Variants in IKBKE observed in about 807,000 individuals in gnomAD.
IKBKE encodes the protein inhibitor of nuclear factor kappa B kinase subunit epsilon.
IKBKE carries 45 observed loss-of-function variants against 92.1 expected under a neutral mutation model. That is an observed-to-expected ratio of 0.49 (90% CI 0.38 to 0.63). The LOEUF (loss-of-function observed/expected upper bound fraction) is 0.63, where lower values mean the gene tolerates loss of function less well. Ranked by LOEUF, IKBKE falls within the 20% of genes least tolerant of loss-of-function variation. IKBKE has a pLI of 0.00. For synonymous variants in IKBKE, 374 were observed against 380.3 expected (o/e 0.98, Z 0.19); for missense variants, 700 against 932.8 (o/e 0.75, Z 3.25).
At position 206,485,399 on chromosome 1, in the gene IKBKE, C is replaced by A; in HGVS notation, c.1616+93C>A. On this transcript the variant is annotated intron_variant, in intron 15 of 21. Coordinates refer to ENST00000581977, the MANE Select transcript of IKBKE (RefSeq NM_014002.4). This position sits in a 1 kb window ranked among gnomAD's most constrained non-coding sequence, Gnocchi z 5.0. ...CTTTAGCCTTTTAGACGTCAGCTTG[C>A]ATTCCCCTTTCTCTTGGCAAGGGTG... The A allele has an allele frequency of 1.3e-6, 1 of 751,586 alleles. No homozygotes were observed. The highest frequency in any genetic ancestry group is 2.4e-6 in the Non-Finnish European group (1 of 423,840). The allele number at this position is 751,586 out of a possible 1,614,324, so 46.6% of individuals were successfully genotyped here.
At chr1:206,477,904 G>A (rs1572243536) in intron 8 of IKBKE, 45 bp downstream of exon 8, 5 of 1,304,638 alleles carry the variant, frequency 3.8e-6, no homozygotes, top group South Asian at 2.5e-5. Context: ...TCTGAGCTGG[G>A]TGTCACTTCT....
At position 206,474,876 on chromosome 1, in the gene IKBKE, G is replaced by A. The variant is rs2103450919; in HGVS notation, c.240G>A (p.Arg80=). Residue 80 remains arginine, a synonymous_variant, in exon 5 of 22, where the codon CGG becomes CGA. Coordinates refer to ENST00000581977, the MANE Select transcript of IKBKE (RefSeq NM_014002.4). ...LFAVEETGGS[R]QKVLVMEYCS... is the part of the protein sequence containing the mutation. ...TGTCCCACCCATAGGGCGGAAGCCG[G>A]CAGAAGGTACTGGTGATGGAGTACT... 1 of 1,614,032 alleles carries A rather than the reference G, an allele frequency of 6.2e-7. No homozygotes were observed. The highest frequency in any genetic ancestry group is 8.5e-7 in the Non-Finnish European group (1 of 1,179,990).
intron 18 of IKBKE, chr1:206,492,662 C>T (rs530375438): frequency 1.0e-5 from 5 of 497,254 alleles, no homozygotes; most frequent in Middle Eastern, 3.1e-4. Flanking sequence ...GAAATGAGAG[C>T]GTGGGCAGTT....
At position 206,474,955 on chromosome 1, in the gene IKBKE, C is replaced by A. The variant is rs949192935; in HGVS notation, c.319C>A (p.Leu107Met). The change falls in exon 5 of 22, where the codon CTG becomes ATG. Residue 107 changes from leucine (L) to methionine (M), a missense_variant. Leu to Met is a conservative substitution (Grantham distance 15). Transcript: ENST00000581977. ...VLESPENAFGLPEDEFLVVLR... is the reference protein window; with the variant it reads ...VLESPENAFGMPEDEFLVVLR... ...GGAGAGCCCTGAGAATGCCTTTGGG[C>A]TGCCTGAGGATGAGTTCCTGGTGGT... 6.2e-7 allele frequency: 1 copy of A among 1,614,134 alleles called. No individual in the cohort carries two copies. The highest frequency in any genetic ancestry group is 8.5e-7 in the Non-Finnish European group (1 of 1,180,026).
In IKBKE at chr1:206,490,954, C is replaced by T; in HGVS notation, c.1733+96C>T. 1 of 1,170,300 alleles carries T rather than the reference C, an allele frequency of 8.5e-7. No homozygotes were observed. The highest frequency in any genetic ancestry group is 1.3e-6 in the Non-Finnish European group (1 of 782,744). The allele number at this position is 1,170,300 out of a possible 1,614,324, so 72.5% of individuals were successfully genotyped here. On this transcript the variant is annotated intron_variant, in intron 17 of 21. Coordinates refer to ENST00000581977, the MANE Select transcript of IKBKE (RefSeq NM_014002.4). The surrounding 1 kb of genome is among the most constrained non-coding windows in gnomAD (Gnocchi z 5.2). ...CGCCAGAGGAGAGGCAGTGAAGGGC[C>T]CTGTCCCGGACTGCAGCTGAGCAGA...
rs926871990 is a variant in IKBKE at position 206,491,530 on chromosome 1, G to A, written c.1734-118G>A. ...CCAGAGACATAGCCCTGCTGTGGAC[G>A]CAGGGCTTGGGCACTTACGACAAGG... is the stretch of plus-strand genomic sequence containing the variant. On this transcript the variant is annotated intron_variant, in intron 17 of 21. Coordinates refer to ENST00000581977, the MANE Select transcript of IKBKE (RefSeq NM_014002.4). The A allele has an allele frequency of 1.5e-5, 10 of 687,080 alleles. No individual in the cohort carries two copies. In the East Asian group the frequency reaches 1.5e-4, roughly 10 times the overall value. 42.6% of individuals were successfully genotyped at this position (687,080 alleles called of 1,614,324 possible). A position where few individuals can be genotyped will look rare whatever the true frequency, so the allele number is the denominator to read the frequency against.
At chr1:206,480,348 C>T (rs1329320150) in intron 12 of IKBKE, 99 bp from the exon 13 acceptor site, 30 of 1,042,192 alleles carry the variant, frequency 2.9e-5, no homozygotes, top group Non-Finnish European at 4.3e-5. Flanking sequence ...GAGGGGGAGG[C>T]CGGCAGGAGG....
chr1:206,486,361 C>T lies in IKBKE; in HGVS notation c.1616+1055C>T, dbSNP rs561789834. Among the ~76,000 whole-genome samples the T allele has an allele frequency of 1.8e-4, 27 of 150,244 alleles. No homozygotes were observed. In the East Asian group the frequency reaches 5.0e-3, roughly 28 times the overall value. The stretch of plus-strand genomic sequence containing the variant: ...AAGGCTGCAGATCTGAGGCCCTGTC[C>T]TTTTGGATGAAGGCTGCAGATCTGA... On this transcript the variant is annotated intron_variant, in intron 15 of 21. Transcript: ENST00000581977.
At chr1:206,488,095 G>C in intron 16 of IKBKE, 105 bp downstream of exon 16, 5 of 814,298 alleles carry the variant, frequency 6.1e-6, no homozygotes, top group Non-Finnish European at 1.0e-5. Flanking sequence ...CTCCAGCTAA[G>C]TGGCCGCTAA....
In IKBKE at chr1:206,490,029, T is replaced by C. The variant is rs1553389886; in HGVS notation, c.1694-790T>C. On this transcript the variant is annotated intron_variant, in intron 16 of 21. Transcript: ENST00000581977. This position sits in a 1 kb window ranked among gnomAD's most constrained non-coding sequence, Gnocchi z 5.2. ...ACCTGTGATGGATAAGGAGACAGGC[T>C]CAGCGAAGTGAAATCACTCGCCTAG... is the stretch of plus-strand genomic sequence containing the variant. Among the ~76,000 whole-genome samples, 3 of 152,196 alleles carry C rather than the reference T, an allele frequency of 2.0e-5. No homozygotes were observed. Among genetic ancestry groups the C allele is most frequent in the African/African-American group, 7.2e-5 (3 of 41,452 alleles).
rs542363326 is a variant in IKBKE, at chr1:206,496,333, G to A, written c.*188G>A. ...TCTCCCTGGGAAGCAGCACAGCTGAGACTGGGCACCAGGCCACCTCTGTTG... is the reference window on the plus strand; with the variant it reads ...TCTCCCTGGGAAGCAGCACAGCTGAAACTGGGCACCAGGCCACCTCTGTTG... On this transcript the variant is annotated 3_prime_UTR_variant, in exon 22 of 22. Transcript: ENST00000581977. 1.7e-5 allele frequency: 10 copies of A among 597,728 alleles called. No individual in the cohort carries two copies. The highest frequency in any genetic ancestry group is 1.7e-4 in the Admixed American group (6 of 36,088). 37.0% of individuals were successfully genotyped at this position (597,728 alleles called of 1,614,324 possible).
At chr1:206,474,056 T>C (rs1664923465) in intron 3 of IKBKE, among the ~76,000 whole-genome samples, 1 of 151,218 alleles carries the variant, frequency 6.6e-6, no homozygotes, top group Non-Finnish European at 1.5e-5. Context: ...AGCTGCCCTG[T>C]GATGATTGTC....
intron 21 of IKBKE, among the ~76,000 whole-genome samples, chr1:206,495,707 A>G (rs1016051573): frequency 2.0e-5 from 3 of 152,190 alleles, no homozygotes; most frequent in Non-Finnish European, 4.4e-5. Flanking sequence ...TATGTCATCT[A>G]TTTGCAGATA....
At position 206,487,650 on chromosome 1, in the gene IKBKE, C is replaced by G. The variant is rs781955628; in HGVS notation, c.1617-264C>G. On this transcript the variant is annotated intron_variant, in intron 15 of 21. Transcript: ENST00000581977. This position sits in a 1 kb window ranked among gnomAD's most constrained non-coding sequence, Gnocchi z 5.3. ...GCCCGTCCTGCTTGGCTTCCTGTCT[C>G]TCTTATCTCCTACTTAACTCATGCT... Among the ~76,000 whole-genome samples, 1 of 152,156 alleles carries G rather than the reference C, an allele frequency of 6.6e-6. No individual in the cohort carries two copies. The highest frequency in any genetic ancestry group is 2.1e-4 in the South Asian group (1 of 4,814).
rs1666258951 is a variant in IKBKE, at chr1:206,496,721, G to A, written c.*576G>A. The A allele has an allele frequency of 4.3e-6, 1 of 233,324 alleles. No individual in the cohort carries two copies. Among genetic ancestry groups the A allele is most frequent in the African/African-American group, 2.2e-5 (1 of 45,464 alleles). 14.5% of individuals were successfully genotyped at this position (233,324 alleles called of 1,614,324 possible). The stretch of plus-strand genomic sequence containing the variant: ...GCTTGGTCTGACTGAGCCTAAAGTT[G>A]AGAAAATGGGTGGCCAAGGCCAGTG... On this transcript the variant is annotated 3_prime_UTR_variant, in exon 22 of 22. Transcript: ENST00000581977.
intron 20 of IKBKE, 24 bp from the exon 21 acceptor site, chr1:206,493,896 C>T: frequency 6.2e-7 from 1 of 1,611,212 alleles, no homozygotes; most frequent in South Asian, 1.1e-5. Context: ...CCTCAGCCGC[C>T]TCTCCTGCCT....
At chr1:206,482,539 G>A (rs1049940808) in intron 13 of IKBKE, among the ~76,000 whole-genome samples, 13 of 152,296 alleles carry the variant, frequency 8.5e-5, no homozygotes, top group Middle Eastern at 3.4e-3. Flanking sequence ...TGGCCTCCGT[G>A]GTGTGTCTAG....
intron 13 of IKBKE, among the ~76,000 whole-genome samples, chr1:206,481,547 A>C (rs1665390876): frequency 6.6e-6 from 1 of 152,206 alleles, no homozygotes; most frequent in Admixed American, 6.5e-5. Context: ...AGTAGGGTTC[A>C]GTCAGCAGAA....
In IKBKE at chr1:206,473,285, A is replaced by C; in HGVS notation, c.58A>C (p.Thr20Pro). 6.2e-7 allele frequency: 1 copy of C among 1,612,818 alleles called. No homozygotes were observed. Among genetic ancestry groups the C allele is most frequent in the Admixed American group, 1.7e-5 (1 of 59,938 alleles). Residue 20 changes from threonine (T) to proline (P), a missense_variant, in exon 3 of 22, where the codon ACT becomes CCT. Coordinates refer to ENST00000581977, the MANE Select transcript of IKBKE (RefSeq NM_014002.4). ...HTDDLLGQGA[T>P]ASVYKARNKK... ...AGATGACCTGCTGGGGCAGGGGGCCACTGCCAGTGTGTACAAGGCCCGCAA... is the reference window on the plus strand; with the variant it reads ...AGATGACCTGCTGGGGCAGGGGGCCCCTGCCAGTGTGTACAAGGCCCGCAA...
Sources: allele counts gnomAD v4.1 joint callset (sites outside exome capture counted in the v4.1 genomes callset), GRCh38; gene constraint gnomAD v4.1.1; non-coding constraint Gnocchi (gnomAD v3.1); transcripts MANE v1.5; gene names NCBI Gene and HGNC (gene_info 2026-07-23, HGNC 2026-07-21).